RFX3: variants seen among roughly 807,000 people sequenced by gnomAD.
The protein encoded by RFX3 is regulatory factor X3.
Under a neutral mutation model 98.6 loss-of-function variants are expected in RFX3, and 14 were observed. The observed-to-expected ratio is 0.14, with a 90% CI of 0.09 to 0.22. The LOEUF (loss-of-function observed/expected upper bound fraction) is 0.22. RFX3 is among the 10% of genes least tolerant of loss of function. RFX3 has a pLI of 1.00. For synonymous variants in RFX3, 383 were observed against 328.4 expected (o/e 1.17, Z -1.80); for missense variants, 639 against 926.9 (o/e 0.69, Z 4.03).
At chr9:3,433,843 G>C (rs992605178) in intron 1 of RFX3, among the ~76,000 whole-genome samples, 1 of 152,144 alleles carries the variant, frequency 6.6e-6, no homozygotes, top group Non-Finnish European at 1.5e-5. Flanking sequence ...TAGAGTCCCT[G>C]TCACAGCTAC....
At chr9:3,366,681 TCTTC>T (rs1837127297) in intron 2 of RFX3, among the ~76,000 whole-genome samples, 1 of 141,752 alleles carries the variant, frequency 7.1e-6, no homozygotes, top group African/African-American at 3.0e-5. Flanking sequence ...TCTCTTTCTT[TCTTC>T]TTTCTTTCCT....
At chr9:3,444,415 T>C (rs998693583) in intron 1 of RFX3, among the ~76,000 whole-genome samples, 2 of 151,916 alleles carry the variant, frequency 1.3e-5, no homozygotes, top group African/African-American at 2.4e-5. Context: ...TAGGGAGGGA[T>C]AGATCTTGGT....
intron 2 of RFX3, among the ~76,000 whole-genome samples, chr9:3,378,194 A>G (rs1201523731): frequency 4.6e-5 from 7 of 152,200 alleles, no homozygotes; most frequent in African/African-American, 1.7e-4. Context: ...CTTCTTATTT[A>G]GGTAATATCT....
At chr9:3,445,174 A>G (rs1845937548) in intron 1 of RFX3, among the ~76,000 whole-genome samples, 1 of 152,162 alleles carries the variant, frequency 6.6e-6, no homozygotes, top group South Asian at 2.1e-4. Context: ...AGCAATAAAG[A>G]AATCTTCAAA....
chr9:3,453,529 G>A (rs565817470), intron 1 of RFX3: 4 of 152,150 alleles, frequency 2.6e-5, no homozygotes, highest in African/African-American at 9.7e-5. Context: ...GGCCCACATG[G>A]TGAAACCCTG....
chr9:3,505,177 TAA>T (rs1299202544), intron 1 of RFX3, among the ~76,000 whole-genome samples: 35 of 98,812 alleles, frequency 3.5e-4, no homozygotes, highest in African/African-American at 1.4e-3. Context: ...TATATTCATA[TAA>T]ATATATATAT....
chr9:3,264,331 T>C (rs979032929), intron 12 of RFX3, among the ~76,000 whole-genome samples: 1 of 152,314 alleles, frequency 6.6e-6, no homozygotes, highest in Middle Eastern at 3.4e-3. Flanking sequence ...CAGGAATGTA[T>C]AGTATTGCAC....
chr9:3,336,857 T>A (rs1833246301), intron 3 of RFX3, among the ~76,000 whole-genome samples: 1 of 152,144 alleles, frequency 6.6e-6, no homozygotes, highest in Non-Finnish European at 1.5e-5. Flanking sequence ...TTAATGAGAA[T>A]AAGAATCATT....
chr9:3,501,890 G>A (rs1052137945), intron 1 of RFX3, among the ~76,000 whole-genome samples: 1 of 151,684 alleles, frequency 6.6e-6, no homozygotes, highest in African/African-American at 2.4e-5. Context: ...TTTATTACAG[G>A]AATGTGATAC....
chr9:3,382,471 C>T (rs1395069783), intron 2 of RFX3, among the ~76,000 whole-genome samples: 2 of 152,122 alleles, frequency 1.3e-5, no homozygotes, highest in African/African-American at 4.8e-5. Context: ...TGAGGGCCTT[C>T]AGTCTACTAG....
intron 3 of RFX3, among the ~76,000 whole-genome samples, chr9:3,341,769 T>C (rs1160976029): frequency 2.0e-5 from 3 of 152,318 alleles, no homozygotes; most frequent in Middle Eastern, 6.8e-3. Flanking sequence ...ACCAGACATA[T>C]ACAATTACTG....
chr9:3,249,687 C>T (rs986422770), intron 14 of RFX3, among the ~76,000 whole-genome samples: 3 of 151,956 alleles, frequency 2.0e-5, no homozygotes, highest in African/African-American at 4.8e-5. Flanking sequence ...AGAATAAGCA[C>T]GGGTTTGAAG....
intron 1 of RFX3, among the ~76,000 whole-genome samples, chr9:3,493,535 T>A (rs980388304): frequency 2.0e-5 from 3 of 151,162 alleles, no homozygotes; most frequent in East Asian, 3.9e-4. Flanking sequence ...ATACAAAAAA[T>A]TTTCCGGGCG....
Position 3,395,516 on chromosome 9 carries a change from C to T in RFX3, c.73G>A (p.Ala25Thr). 6.2e-7 allele frequency: 1 copy of T among 1,614,134 alleles called. No homozygotes were observed. The highest frequency in any genetic ancestry group is 8.5e-7 in the Non-Finnish European group (1 of 1,179,990). ...TLQTSVASQA[A>T]VPTQVVQQVP... ...TGCTGTACCACCTGCGTAGGCACTG[C>T]TGCTTGACTAGCCACAGATGTTTGT... Residue 25 changes from alanine to threonine, a missense_variant, in exon 2 of 17, where the codon GCA (alanine) becomes ACA (threonine). This residue lies in a region of RFX3 where 210 missense variants were observed against 197.7 expected (regional missense o/e 1.06). Coordinates refer to ENST00000617270, the MANE Select transcript of RFX3 (RefSeq NM_001282116.2).
chr9:3,505,216 ATATATT>A (rs1287032564), intron 1 of RFX3, among the ~76,000 whole-genome samples: 16 of 78,232 alleles, frequency 2.0e-4, no homozygotes, highest in Non-Finnish European at 2.9e-4. Flanking sequence ...ATATATGAAT[ATATATT>A]TATATATGAA....
At chr9:3,509,342 T>C (rs1007208138) in intron 1 of RFX3, among the ~76,000 whole-genome samples, 2 of 151,974 alleles carry the variant, frequency 1.3e-5, no homozygotes, top group African/African-American at 4.8e-5. Context: ...TTAAAATTCA[T>C]AATTAAATGA....
At chr9:3,355,634 C>A (rs7858850) in intron 2 of RFX3, among the ~76,000 whole-genome samples, 5,321 of 151,660 alleles carry the variant, frequency 0.035, 317 homozygotes, top group African/African-American at 0.12. Context: ...ATAGTTGATA[C>A]GCAAAAAAGA....
chr9:3,485,744 T>C, intron 1 of RFX3, among the ~76,000 whole-genome samples: 1 of 152,210 alleles, frequency 6.6e-6, no homozygotes, highest in Non-Finnish European at 1.5e-5. Context: ...TATAAGAGAA[T>C]ATTCATAAAT....
intron 1 of RFX3, chr9:3,420,956 G>T: frequency 2.1e-6 from 2 of 970,942 alleles, no homozygotes; most frequent in South Asian, 9.6e-5. Flanking sequence ...GGCTACAACA[G>T]AAACTAGCCT....
Sources: allele counts gnomAD v4.1 joint callset (sites outside exome capture counted in the v4.1 genomes callset), GRCh38; gene constraint gnomAD v4.1.1; regional missense constraint gnomAD v4.1.1; transcripts MANE v1.5; gene names NCBI Gene and HGNC (gene_info 2026-07-23, HGNC 2026-07-21).